Variants in TBC1D15 observed in about 807,000 individuals in gnomAD.
TBC1D15 encodes TBC1 domain family member 15.
TBC1D15 carries 39 observed loss-of-function variants against 95.4 expected under a neutral mutation model. That is an observed-to-expected ratio of 0.41 (90% confidence interval 0.32 to 0.53). The LOEUF (loss-of-function observed/expected upper bound fraction) is 0.53. Ranked by LOEUF, TBC1D15 falls within the 20% of genes least tolerant of loss-of-function variation. The pLI, the probability that TBC1D15 is intolerant of heterozygous loss-of-function variation, is 0.29. For synonymous variants in TBC1D15, 258 were observed against 261.3 expected, an observed-to-expected ratio of 0.99 and a Z score of 0.12; for missense variants, 733 against 794.3, an observed-to-expected ratio of 0.92 and a Z score of 0.93.
chr12:71,908,704 A>T (rs1489240041), intron 11 of TBC1D15, among the ~76,000 whole-genome samples: 1 of 152,196 alleles, frequency 6.6e-6, no homozygotes, highest in East Asian at 1.9e-4. Context: ...AATTGTTGCA[A>T]GAATATTAAT....
At position 71,889,436 on chromosome 12, in the gene TBC1D15, T is replaced by C. The variant is rs146517604; in HGVS notation, c.555-3786T>C. ...CTCCATACTCTAGGCTGAAAATAAG[T>C]GCTCCCTCCCTATTCTCCTTCCTGT... On this transcript the variant is annotated intron_variant, in intron 5 of 16. Transcript: ENST00000485960. 3.3e-5 allele frequency among the ~76,000 whole-genome samples: 5 copies of C among 152,290 alleles called. No homozygotes were observed. The East Asian group carries it at 9.6e-4, about 29-fold the overall frequency.
chr12:71,872,826 A>T, intron 2 of TBC1D15, 103 bp from the exon 3 acceptor site: 1 of 716,598 alleles, frequency 1.4e-6, no homozygotes, highest in Non-Finnish European at 2.2e-6. Flanking sequence ...TTTAAAATGT[A>T]GATATTTAAG....
At chr12:71,881,467 T>G (rs1895113678) in intron 4 of TBC1D15, among the ~76,000 whole-genome samples, 1 of 152,156 alleles carries the variant, frequency 6.6e-6, no homozygotes, top group Admixed American at 6.5e-5. Context: ...AATCAGACTC[T>G]GGAGATATAG....
intron 1 of TBC1D15, among the ~76,000 whole-genome samples, chr12:71,860,684 C>T (rs755458998): frequency 4.6e-5 from 7 of 152,086 alleles, no homozygotes; most frequent in African/African-American, 1.7e-4. Flanking sequence ...TATCTGCAAA[C>T]AAGGATTCTT....
intron 1 of TBC1D15, among the ~76,000 whole-genome samples, chr12:71,847,692 C>T (rs1026786483): frequency 2.7e-5 from 4 of 149,084 alleles, no homozygotes; most frequent in African/African-American, 9.9e-5. Context: ...GAGACTGTCT[C>T]GAAAAAAAAA....
At chr12:71,878,724 C>G (rs1228417726) in intron 3 of TBC1D15, among the ~76,000 whole-genome samples, 1 of 151,570 alleles carries the variant, frequency 6.6e-6, no homozygotes, top group African/African-American at 2.4e-5. Context: ...GCCATGTTGT[C>G]CAGGCTTGTC....
intron 11 of TBC1D15, among the ~76,000 whole-genome samples, chr12:71,909,558 G>T (rs1216533538): frequency 6.6e-6 from 1 of 152,146 alleles, no homozygotes; most frequent in Admixed American, 6.5e-5. Context: ...TAAATTAGGA[G>T]AGTGTCTAAT....
chr12:71,893,185 T>A (rs1261228132), intron 5 of TBC1D15, 37 bp from the exon 6 acceptor site: 13 of 1,284,942 alleles, frequency 1.0e-5, no homozygotes, highest in Non-Finnish European at 1.2e-5. Context: ...TGATACAGTG[T>A]GTTAGTATTT....
At chr12:71,873,068 A>G (rs1893032082) in intron 3 of TBC1D15, 65 bp downstream of exon 3, 1 of 1,080,864 alleles carries the variant, frequency 9.3e-7, no homozygotes, top group Non-Finnish European at 1.4e-6. Context: ...TTATCCATAT[A>G]TAATTCACAT....
At position 71,913,631 on chromosome 12, in the gene TBC1D15, A is replaced by ACTCAT. The variant is rs1902969792; in HGVS notation, c.1301-192_1301-188dup. 14 of 482,076 alleles carry ACTCAT rather than the reference A, an allele frequency of 2.9e-5. No homozygotes were observed. In the South Asian group the frequency reaches 3.0e-4, roughly 10 times the overall value. 29.9% of individuals were successfully genotyped at this position (482,076 alleles called of 1,614,324 possible). A position where few individuals can be genotyped will look rare whatever the true frequency, so the allele number is the denominator to read the frequency against. ...TTGTTTGACATCTCAATCTAAAACA[A>ACTCAT]CTCATCTTTCTTACTTATGACTAGA... On this transcript the variant is annotated intron_variant, in intron 11 of 16. Transcript: ENST00000485960.
chr12:71,897,318 G>A (rs887829275), intron 9 of TBC1D15: 2 of 155,248 alleles, frequency 1.3e-5, no homozygotes, highest in African/African-American at 2.4e-5. Flanking sequence ...TGTCAGTCTA[G>A]CCTTTGATTT....
intron 10 of TBC1D15, among the ~76,000 whole-genome samples, chr12:71,902,331 T>C (rs1467128747): frequency 6.6e-6 from 1 of 152,144 alleles, no homozygotes; most frequent in African/African-American, 2.4e-5. Context: ...CAAACTATAC[T>C]GCAAGGGTAT....
chr12:71,874,685 C>T (rs1454739387), intron 3 of TBC1D15, among the ~76,000 whole-genome samples: 25 of 130,984 alleles, frequency 1.9e-4, no homozygotes, highest in Non-Finnish European at 3.3e-4. Context: ...TGCAGTGGTG[C>T]GATCTCAGCT....
chr12:71,859,755 C>G (rs1430990910), intron 1 of TBC1D15, among the ~76,000 whole-genome samples: 1 of 151,978 alleles, frequency 6.6e-6, no homozygotes, highest in African/African-American at 2.4e-5. Flanking sequence ...TTACAGGCAC[C>G]TACCACCATG....
At chr12:71,906,641 T>A (rs1225244007) in intron 10 of TBC1D15, among the ~76,000 whole-genome samples, 1 of 152,052 alleles carries the variant, frequency 6.6e-6, no homozygotes, top group Non-Finnish European at 1.5e-5. Context: ...CTTTTTTTTT[T>A]TTTTATTAGT....
intron 11 of TBC1D15, among the ~76,000 whole-genome samples, chr12:71,908,769 C>T (rs924386140): frequency 2.0e-5 from 3 of 152,116 alleles, no homozygotes; most frequent in African/African-American, 7.2e-5. Context: ...TTTTAATTCT[C>T]GTAGCAGCCT....
At chr12:71,885,375 G>A (rs1418366963) in intron 5 of TBC1D15, among the ~76,000 whole-genome samples, 1 of 152,114 alleles carries the variant, frequency 6.6e-6, no homozygotes. Flanking sequence ...TACTTGTGAT[G>A]TTGCAGCTTT....
At chr12:71,867,968 G>A (rs1310581433) in intron 1 of TBC1D15, among the ~76,000 whole-genome samples, 3 of 152,040 alleles carry the variant, frequency 2.0e-5, no homozygotes, top group Non-Finnish European at 4.4e-5. Context: ...TTTTTTTCCT[G>A]TGCCCTTAAG....
chr12:71,900,489 A>G (rs1270017895), intron 10 of TBC1D15, among the ~76,000 whole-genome samples: 5 of 152,130 alleles, frequency 3.3e-5, no homozygotes, highest in African/African-American at 9.7e-5. Context: ...AAAATTCGCA[A>G]CCTCTGGCAT....
Sources: gnomAD v4.1 joint callset for allele counts (sites outside exome capture counted in the v4.1 genomes callset) on GRCh38, gnomAD v4.1.1 for gene constraint, MANE v1.5 for transcripts, NCBI Gene and HGNC (gene_info 2026-07-23, HGNC 2026-07-21) for gene names.